TRPC6: variants seen among roughly 807,000 people sequenced by gnomAD.
TRPC6 encodes short transient receptor potential channel 6.
A neutral mutation model predicts 90.7 loss-of-function variants in TRPC6; 55 were observed. The ratio of observed to expected loss-of-function variants is 0.61; its 90% confidence interval spans 0.49 to 0.76. The LOEUF is 0.76. Ranked by LOEUF, TRPC6 falls within the 30% of genes least tolerant of loss-of-function variation. TRPC6 has a pLI of 0.00. For missense variants in TRPC6, 989 were observed against 1,122.7 expected (o/e 0.88, Z 1.70); for synonymous variants, 393 against 393.0 (o/e 1.00, Z 0.00).
intron 3 of TRPC6, 108 bp from the exon 4 acceptor site, chr11:101,489,209 G>A (rs1241792262): frequency 9.8e-7 from 1 of 1,015,864 alleles, no homozygotes; most frequent in Non-Finnish European, 1.5e-6. Flanking sequence ...TACATTGTTA[G>A]AATTAAAGAA....
intron 10 of TRPC6, among the ~76,000 whole-genome samples, chr11:101,463,397 T>C (rs2136654021): frequency 6.6e-6 from 1 of 152,320 alleles, no homozygotes; most frequent in South Asian, 2.1e-4. Context: ...CCAGCTCCTC[T>C]TTGTACCTCT....
At chr11:101,485,106 A>G (rs1322092217) in intron 4 of TRPC6, among the ~76,000 whole-genome samples, 1 of 149,174 alleles carries the variant, frequency 6.7e-6, no homozygotes, top group Admixed American at 6.7e-5. Context: ...CAGAACCCAC[A>G]TATACAGAGG....
At chr11:101,530,872 T>C (rs1226317641) in intron 1 of TRPC6, among the ~76,000 whole-genome samples, 2 of 152,072 alleles carry the variant, frequency 1.3e-5, no homozygotes, top group Non-Finnish European at 2.9e-5. Flanking sequence ...CCAAACAGAA[T>C]GACAAATTTA....
At chr11:101,551,973 C>A (rs1368317706) in intron 1 of TRPC6, among the ~76,000 whole-genome samples, 2 of 151,994 alleles carry the variant, frequency 1.3e-5, no homozygotes, top group Admixed American at 1.3e-4. Context: ...GGAACTGATA[C>A]AAAAATAAGA....
chr11:101,549,131 C>G (rs375127905), intron 1 of TRPC6, among the ~76,000 whole-genome samples: 7 of 151,814 alleles, frequency 4.6e-5, no homozygotes, highest in African/African-American at 7.2e-5. Flanking sequence ...ATGGGAGGAG[C>G]TGAATATTAG....
Position 101,515,744 on chromosome 11 carries a change from T to G in TRPC6, c.171-10946A>C, listed in dbSNP as rs539681264. 2.0e-5 allele frequency among the ~76,000 whole-genome samples: 3 copies of G among 152,284 alleles called. No individual in the cohort carries two copies. In the East Asian group the frequency reaches 5.8e-4, roughly 29 times the overall value. On this transcript the variant is annotated intron_variant, in intron 1 of 12. Coordinates refer to ENST00000344327, the MANE Select transcript of TRPC6 (RefSeq NM_004621.6). ...CCTAAGTAAAAATGAAATATAGCAATTTGATGGAGTTTGATTTTGAGTATA... is the reference window on the plus strand; with the variant it reads ...CCTAAGTAAAAATGAAATATAGCAAGTTGATGGAGTTTGATTTTGAGTATA...
intron 10 of TRPC6, among the ~76,000 whole-genome samples, chr11:101,468,001 C>CCAAACAAAACTTGTCTGAACA (rs1368555792): frequency 6.6e-6 from 1 of 152,158 alleles, no homozygotes; most frequent in Admixed American, 6.5e-5. Flanking sequence ...GATAGGCAAG[C>CCAAACAAAACTTGTCTGAACA]CAAACAAAAC....
intron 1 of TRPC6, among the ~76,000 whole-genome samples, chr11:101,528,430 T>G (rs961787960): frequency 2.0e-5 from 3 of 152,232 alleles, no homozygotes; most frequent in Non-Finnish European, 2.9e-5. Context: ...CAAAGCTTAA[T>G]ATATACAATA....
chr11:101,553,265 G>A (rs1861488498), intron 1 of TRPC6, among the ~76,000 whole-genome samples: 1 of 152,080 alleles, frequency 6.6e-6, no homozygotes, highest in Non-Finnish European at 1.5e-5. Context: ...GCTGTTCTAA[G>A]CTAACTCTTT....
chr11:101,540,479 T>C (rs1401741625), intron 1 of TRPC6, among the ~76,000 whole-genome samples: 1 of 152,364 alleles, frequency 6.6e-6, no homozygotes, highest in South Asian at 2.1e-4. Context: ...GCATATGTAG[T>C]GTTAAATGAC....
At chr11:101,550,109 G>A (rs12419234) in intron 1 of TRPC6, among the ~76,000 whole-genome samples, 16,263 of 151,350 alleles carry the variant, frequency 0.11, 1,635 homozygotes, top group East Asian at 0.54. Flanking sequence ...ATAAAATTTA[G>A]TCTAAAAAGA....
intron 1 of TRPC6, among the ~76,000 whole-genome samples, chr11:101,568,589 A>T (rs1377380038): frequency 6.6e-6 from 1 of 152,210 alleles, no homozygotes; most frequent in Non-Finnish European, 1.5e-5. Flanking sequence ...AAATGAAGGA[A>T]AAAATGTTAA....
At chr11:101,500,450 C>T (rs909063670) in intron 2 of TRPC6, among the ~76,000 whole-genome samples, 4 of 151,886 alleles carry the variant, frequency 2.6e-5, no homozygotes, top group African/African-American at 9.7e-5. Context: ...CCTCATGATC[C>T]ACCCACCTCG....
intron 1 of TRPC6, among the ~76,000 whole-genome samples, chr11:101,562,708 G>T (rs538245282): frequency 6.6e-6 from 1 of 152,204 alleles, no homozygotes; most frequent in Admixed American, 6.5e-5. Context: ...ATATGACATT[G>T]AAAGTAAGTA....
chr11:101,453,510 C>T (rs1858811447), intron 12 of TRPC6, 140 bp downstream of exon 12: 3 of 825,616 alleles, frequency 3.6e-6, no homozygotes, highest in South Asian at 1.4e-5. Context: ...AACAGAACGG[C>T]GGTTGGTGAG....
At chr11:101,516,146 C>CA (rs1184443416) in intron 1 of TRPC6, among the ~76,000 whole-genome samples, 2 of 151,234 alleles carry the variant, frequency 1.3e-5, no homozygotes, top group Non-Finnish European at 2.9e-5. Flanking sequence ...ATCCCCTCCC[C>CA]AAAAACTGTG....
intron 1 of TRPC6, among the ~76,000 whole-genome samples, chr11:101,544,344 T>C (rs1039029410): frequency 6.6e-6 from 1 of 152,118 alleles, no homozygotes; most frequent in African/African-American, 2.4e-5. Context: ...GATCTAGAAC[T>C]AGAAATACCA....
intron 10 of TRPC6, among the ~76,000 whole-genome samples, chr11:101,469,082 T>C (rs1859222962): frequency 6.6e-6 from 1 of 152,218 alleles, no homozygotes; most frequent in East Asian, 1.9e-4. Flanking sequence ...CTGGGGACCA[T>C]GCCTGCTCTC....
intron 2 of TRPC6, among the ~76,000 whole-genome samples, chr11:101,502,398 G>A (rs1164082806): frequency 1.2e-4 from 18 of 152,018 alleles, no homozygotes; most frequent in East Asian, 1.2e-3. Context: ...GTACTACCTC[G>A]CCATCCTCAT....
Sources: allele counts gnomAD v4.1 joint callset (sites outside exome capture counted in the v4.1 genomes callset), GRCh38; gene constraint gnomAD v4.1.1; transcripts MANE v1.5; gene names NCBI Gene and HGNC (gene_info 2026-07-23, HGNC 2026-07-21).